NCAM1: variants seen among roughly 807,000 people sequenced by gnomAD.
NCAM1 encodes the protein antigen recognized by monoclonal antibody 5.1H11.
NCAM1 carries 14 observed loss-of-function variants against 109.8 expected under a neutral mutation model. That is an observed-to-expected ratio of 0.13 (90% CI 0.08 to 0.20). NCAM1 has a LOEUF of 0.20. Ranked by LOEUF, NCAM1 falls within the 10% of genes least tolerant of loss-of-function variation. The pLI is 1.00. For synonymous variants in NCAM1, 418 were observed against 442.9 expected, an observed-to-expected ratio of 0.94 and a Z score of 0.70; for missense variants, 774 against 1,109.9, an observed-to-expected ratio of 0.70 and a Z score of 4.30.
At chr11:113,257,587 G>A (rs1018877891) in intron 16 of NCAM1, among the ~76,000 whole-genome samples, 1 of 152,190 alleles carries the variant, frequency 6.6e-6, no homozygotes, top group Non-Finnish European at 1.5e-5. Flanking sequence ...TGTCTGAGGA[G>A]CCACTGTGGC....
chr11:113,055,694 A>C (rs909053464), intron 1 of NCAM1, among the ~76,000 whole-genome samples: 1 of 151,806 alleles, frequency 6.6e-6, no homozygotes, highest in East Asian at 1.9e-4. Context: ...GAGACCTGTG[A>C]TTTGTTTCTA....
intron 15 of NCAM1, among the ~76,000 whole-genome samples, chr11:113,254,758 C>A (rs1390934162): frequency 1.3e-5 from 2 of 152,136 alleles, no homozygotes; most frequent in Non-Finnish European, 2.9e-5. Context: ...GAGTGACCCA[C>A]CCAGAAGGTA....
intron 1 of NCAM1, among the ~76,000 whole-genome samples, chr11:113,184,543 C>T (rs1425092443): frequency 1.1e-4 from 16 of 152,186 alleles, no homozygotes; most frequent in Non-Finnish European, 5.9e-5. Flanking sequence ...CCCAAAGTCT[C>T]ATTTTAGGAA....
chr11:113,236,174 A>G (rs1038970332), intron 14 of NCAM1: 2 of 915,428 alleles, frequency 2.2e-6, no homozygotes, highest in Admixed American at 4.9e-5. Context: ...AAGTAATTTG[A>G]TAATTTGAGT....
At chr11:113,262,982 A>G (rs1946051552) in intron 17 of NCAM1, 6 of 1,580,430 alleles carry the variant, frequency 3.8e-6, no homozygotes, top group Non-Finnish European at 5.2e-6. Context: ...GAAAAAGATC[A>G]GTGCCCCCTT....
chr11:113,156,966 G>A (rs1942431046), intron 1 of NCAM1, among the ~76,000 whole-genome samples: 1 of 152,134 alleles, frequency 6.6e-6, no homozygotes, highest in South Asian at 2.1e-4. Flanking sequence ...GGCCTGGGAA[G>A]AAATTGGGTG....
chr11:112,986,065 T>C (rs1476580299), intron 1 of NCAM1, among the ~76,000 whole-genome samples: 1 of 151,984 alleles, frequency 6.6e-6, no homozygotes, highest in African/African-American at 2.4e-5. Context: ...ATGACCTTTA[T>C]TATGTTGAGA....
intron 1 of NCAM1, among the ~76,000 whole-genome samples, chr11:113,033,325 C>T (rs1325577513): frequency 6.6e-6 from 1 of 151,988 alleles, no homozygotes; most frequent in Non-Finnish European, 1.5e-5. Flanking sequence ...AGAGCAGCAG[C>T]AGTTGTTGTT....
intron 1 of NCAM1, among the ~76,000 whole-genome samples, chr11:112,971,155 A>G (rs989428849): frequency 6.6e-6 from 1 of 152,006 alleles, no homozygotes; most frequent in Non-Finnish European, 1.5e-5. Context: ...AAGGAGGGAG[A>G]GAAGGAGGGA....
intron 17 of NCAM1, among the ~76,000 whole-genome samples, chr11:113,265,425 A>C (rs1946118086): frequency 6.6e-6 from 1 of 152,140 alleles, no homozygotes; most frequent in Non-Finnish European, 1.5e-5. Context: ...GTGGGAGGGG[A>C]AAATGCCTTT....
intron 1 of NCAM1, among the ~76,000 whole-genome samples, chr11:113,194,658 A>G (rs1943801190): frequency 6.6e-6 from 1 of 152,194 alleles, no homozygotes; most frequent in Admixed American, 6.5e-5. Context: ...GAACCTACCA[A>G]GAGTCATCTT....
chr11:113,155,386 G>A (rs555233995), intron 1 of NCAM1, among the ~76,000 whole-genome samples: 2 of 152,076 alleles, frequency 1.3e-5, no homozygotes, highest in South Asian at 2.1e-4. Context: ...GTGGGTACCT[G>A]TAATCCCAGC....
At chr11:113,169,860 C>G (rs1245314452) in intron 1 of NCAM1, among the ~76,000 whole-genome samples, 2 of 152,052 alleles carry the variant, frequency 1.3e-5, no homozygotes, top group Non-Finnish European at 2.9e-5. Flanking sequence ...CTCCTGACCT[C>G]AAGTGATCCT....
chr11:113,147,166 T>C (rs1942048816), intron 1 of NCAM1, among the ~76,000 whole-genome samples: 1 of 152,260 alleles, frequency 6.6e-6, no homozygotes, highest in African/African-American at 2.4e-5. Context: ...ATTCGGTTTA[T>C]CTGTTCCTAC....
chr11:113,101,828 A>G (rs1358596208), intron 1 of NCAM1, among the ~76,000 whole-genome samples: 1 of 152,234 alleles, frequency 6.6e-6, no homozygotes, highest in African/African-American at 2.4e-5. Flanking sequence ...ATAACTTAAC[A>G]AATTTGGCCT....
chr11:113,000,839 T>C (rs868927982), intron 1 of NCAM1, among the ~76,000 whole-genome samples: 28,748 of 56,418 alleles, frequency 0.51, 3,616 homozygotes, highest in East Asian at 0.54. Flanking sequence ...TATATATATA[T>C]ATATATATAC....
At chr11:113,043,588 G>A (rs547276287) in intron 1 of NCAM1, among the ~76,000 whole-genome samples, 6 of 152,172 alleles carry the variant, frequency 3.9e-5, no homozygotes, top group Admixed American at 3.3e-4. Context: ...TGCCCGTCTC[G>A]GCCTCTCAAA....
At chr11:113,240,964 G>A in intron 14 of NCAM1, 1 of 942,686 alleles carries the variant, frequency 1.1e-6, no homozygotes, top group African/African-American at 1.6e-5. Flanking sequence ...TCGGGTTTTA[G>A]AGGAGCAGTT....
In NCAM1 at chr11:113,195,021, G is replaced by C. The variant is rs145561715; in HGVS notation, c.53-7358G>C. Among the ~76,000 whole-genome samples the C allele has an allele frequency of 2.0e-5, 3 of 152,328 alleles. No homozygotes were observed. In the East Asian group the frequency reaches 5.8e-4, roughly 29 times the overall value. On this transcript the variant is annotated intron_variant, in intron 1 of 19. Transcript: ENST00000316851. The stretch of plus-strand genomic sequence containing the variant: ...TAGGTGATTTCAGTTGCTGTTGTGA[G>C]CCAGCTTTAAGCCATGAGGATACTT...
Sources: gnomAD v4.1 joint callset for allele counts (sites outside exome capture counted in the v4.1 genomes callset) on GRCh38, gnomAD v4.1.1 for gene constraint, MANE v1.5 for transcripts, NCBI Gene and HGNC (gene_info 2026-07-23, HGNC 2026-07-21) for gene names.